Variants in SUPT3H observed in about 807,000 individuals in gnomAD.
SUPT3H encodes transcription initiation protein SPT3 homolog.
In SUPT3H, 44 loss-of-function variants were observed where a neutral mutation model predicts 44.3. The observed-to-expected ratio is 0.99, with a 90% confidence interval of 0.78 to 1.28. SUPT3H has a LOEUF of 1.28. SUPT3H is among the 50% of genes most tolerant of loss of function. The pLI, the probability that SUPT3H is intolerant of heterozygous loss-of-function variation, is 0.00. For missense variants in SUPT3H, 380 were observed against 387.1 expected (o/e 0.98, Z 0.15); for synonymous variants, 124 against 125.6 (o/e 0.99, Z 0.09).
intron 10 of SUPT3H, among the ~76,000 whole-genome samples, chr6:44,878,376 G>A (rs1184907749): frequency 1.3e-5 from 2 of 151,966 alleles, no homozygotes; most frequent in Non-Finnish European, 2.9e-5. Flanking sequence ...GCCATTTGTG[G>A]GTATGTTTCT....
intron 2 of SUPT3H, among the ~76,000 whole-genome samples, chr6:45,121,327 A>G (rs62438877): frequency 0.23 from 34,435 of 152,128 alleles, 4,573 homozygotes; most frequent in Non-Finnish European, 0.31. Context: ...CTGAGAGGAA[A>G]GAAGGAAATT....
intron 10 of SUPT3H, among the ~76,000 whole-genome samples, chr6:44,890,438 G>T (rs1025169325): frequency 2.0e-5 from 3 of 152,006 alleles, no homozygotes; most frequent in Non-Finnish European, 2.9e-5. Flanking sequence ...CATTAAAAAT[G>T]ATGAGTTCAT....
intron 3 of SUPT3H, among the ~76,000 whole-genome samples, chr6:45,063,832 A>G (rs1223204006): frequency 7.0e-6 from 1 of 142,740 alleles, no homozygotes; most frequent in African/African-American, 2.6e-5. Context: ...TCTACGTCTG[A>G]TTGGTGTACC....
chr6:45,124,441 C>G (rs1802113123), intron 2 of SUPT3H, among the ~76,000 whole-genome samples: 1 of 151,766 alleles, frequency 6.6e-6, no homozygotes. Context: ...GTCAGGCGTT[C>G]AAGACCAGCC....
At chr6:45,365,676 A>T (rs1795012143) in intron 1 of SUPT3H, among the ~76,000 whole-genome samples, 1 of 148,394 alleles carries the variant, frequency 6.7e-6, no homozygotes, top group Non-Finnish European at 1.5e-5. Context: ...GATGGACCCC[A>T]AGCACAACAC....
At chr6:44,985,212 T>TAAATAAATA (rs1554195415) in intron 6 of SUPT3H, among the ~76,000 whole-genome samples, 5,692 of 113,476 alleles carry the variant, frequency 0.05, 216 homozygotes, top group Admixed American at 0.086. Context: ...AATAAATAAA[T>TAAATAAATA]AAATAAAATA....
intron 6 of SUPT3H, among the ~76,000 whole-genome samples, chr6:44,967,544 T>C (rs956949514): frequency 6.6e-6 from 1 of 152,216 alleles, no homozygotes; most frequent in African/African-American, 2.4e-5. Flanking sequence ...GTACGGACAA[T>C]CATCATTTGC....
At chr6:45,373,959 A>C (rs1259878749) in intron 1 of SUPT3H, among the ~76,000 whole-genome samples, 2 of 152,194 alleles carry the variant, frequency 1.3e-5, no homozygotes, top group African/African-American at 4.8e-5. Flanking sequence ...TTTGCAGGTC[A>C]CTCTTTAGTG....
chr6:45,024,019 C>T (rs1035442334), intron 3 of SUPT3H, among the ~76,000 whole-genome samples: 2 of 152,142 alleles, frequency 1.3e-5, no homozygotes, highest in Admixed American at 6.6e-5. Context: ...AATAGTAGAA[C>T]TGGGAAACCA....
intron 1 of SUPT3H, among the ~76,000 whole-genome samples, chr6:45,373,717 A>AT (rs1006363698): frequency 6.6e-6 from 1 of 151,930 alleles, no homozygotes; most frequent in African/African-American, 2.4e-5. Flanking sequence ...TGCCCGGCTA[A>AT]TTTTTTTGTA....
chr6:45,115,844 C>A (rs1367116150), intron 2 of SUPT3H, among the ~76,000 whole-genome samples: 1 of 152,084 alleles, frequency 6.6e-6, no homozygotes, highest in Non-Finnish European at 1.5e-5. Flanking sequence ...TTTCAAAGTT[C>A]CCACAAACTT....
At chr6:45,286,641 G>A (rs184670571) in intron 2 of SUPT3H, among the ~76,000 whole-genome samples, 1 of 152,188 alleles carries the variant, frequency 6.6e-6, no homozygotes, top group African/African-American at 2.4e-5. Flanking sequence ...TACACTGTTG[G>A]TGGGACTGTA....
intron 3 of SUPT3H, among the ~76,000 whole-genome samples, chr6:45,029,065 G>A (rs1419648769): frequency 6.6e-6 from 1 of 151,658 alleles, no homozygotes; most frequent in Non-Finnish European, 1.5e-5. Context: ...TACATTTAAG[G>A]TATTTGACGT....
intron 3 of SUPT3H, among the ~76,000 whole-genome samples, chr6:45,041,205 T>G (rs1482795314): frequency 6.6e-6 from 1 of 152,110 alleles, no homozygotes; most frequent in Non-Finnish European, 1.5e-5. Flanking sequence ...CAAGTCATAA[T>G]AAGTAAAATA....
At chr6:45,304,457 C>T (rs1033379734) in intron 2 of SUPT3H, among the ~76,000 whole-genome samples, 1 of 152,118 alleles carries the variant, frequency 6.6e-6, no homozygotes, top group Non-Finnish European at 1.5e-5. Context: ...ACTATTTTAT[C>T]GTTATGTTTG....
intron 1 of SUPT3H, among the ~76,000 whole-genome samples, chr6:45,365,800 T>C (rs1795037223): frequency 6.6e-6 from 1 of 151,586 alleles, no homozygotes; most frequent in Non-Finnish European, 1.5e-5. Flanking sequence ...GATACAAAAT[T>C]AGAAAACTAC....
At chr6:45,033,097 A>C (rs1005516312) in intron 3 of SUPT3H, among the ~76,000 whole-genome samples, 3 of 152,170 alleles carry the variant, frequency 2.0e-5, no homozygotes, top group Non-Finnish European at 4.4e-5. Context: ...ATATAAGAGT[A>C]ATACCAGTTT....
At chr6:44,888,958 C>T (rs1245552589) in intron 10 of SUPT3H, among the ~76,000 whole-genome samples, 1 of 94,376 alleles carries the variant, frequency 1.1e-5, no homozygotes, top group African/African-American at 4.1e-5. Context: ...CACAAGCATT[C>T]TTATACACCA....
chr6:45,271,091 G>A lies in SUPT3H; in HGVS notation c.101+94110C>T, dbSNP rs141070415. Reference sequence around the variant, plus strand: ...AGAGGTGACCTGGGTGCTGTTAAAGGCATTCCATTTTAAAAGGGAAATAGA... The same window carrying A: ...AGAGGTGACCTGGGTGCTGTTAAAGACATTCCATTTTAAAAGGGAAATAGA... On this transcript the variant is annotated intron_variant, in intron 2 of 10. Transcript: ENST00000371459. Among the ~76,000 whole-genome samples the A allele has an allele frequency of 1.7e-3, 266 of 152,282 alleles. 3 individuals carry two copies. Among genetic ancestry groups the A allele is most frequent in the African/African-American group, 6.3e-3 (260 of 41,564 alleles).
Sources: allele counts gnomAD v4.1 joint callset (sites outside exome capture counted in the v4.1 genomes callset), GRCh38; gene constraint gnomAD v4.1.1; transcripts MANE v1.5; gene names NCBI Gene and HGNC (gene_info 2026-07-23, HGNC 2026-07-21).